GOLGA1: variants seen among roughly 807,000 people sequenced by gnomAD.
GOLGA1 encodes golgin A1.
GOLGA1 carries 63 observed loss-of-function variants against 119.7 expected under a neutral mutation model. The observed-to-expected ratio is 0.53, with a 90% CI of 0.43 to 0.65. The LOEUF (loss-of-function observed/expected upper bound fraction) is 0.65, where lower values mean the gene tolerates loss of function less well. Ranked by LOEUF, GOLGA1 falls within the 30% of genes least tolerant of loss-of-function variation. GOLGA1 has a pLI of 0.00. For missense variants in GOLGA1, 798 were observed against 912.8 expected (o/e 0.87, Z 1.62); for synonymous variants, 318 against 333.4 (o/e 0.95, Z 0.50).
At chr9:124,895,947 T>C (rs181462700) in intron 15 of GOLGA1, among the ~76,000 whole-genome samples, 3 of 142,802 alleles carry the variant, frequency 2.1e-5, no homozygotes, top group African/African-American at 7.8e-5. Flanking sequence ...AGAGACCCTC[T>C]ATAACAGAGA....
intron 10 of GOLGA1, among the ~76,000 whole-genome samples, chr9:124,913,354 G>A (rs1463772179): frequency 6.6e-6 from 1 of 152,132 alleles, no homozygotes; most frequent in Non-Finnish European, 1.5e-5. Context: ...TCCCCACTGA[G>A]GATGCCCATT....
At chr9:124,931,514 T>A in intron 3 of GOLGA1, 108 bp from the exon 4 acceptor site, 1 of 668,894 alleles carries the variant, frequency 1.5e-6, no homozygotes, top group East Asian at 2.6e-5. Flanking sequence ...TTTAATTAAT[T>A]GTAATCACTG....
Position 124,938,763 on chromosome 9 carries a change from G to C in GOLGA1, c.-52C>G, listed in dbSNP as rs774211318. The C allele has an allele frequency of 6.5e-7, 1 of 1,532,118 alleles. No homozygotes were observed. Among genetic ancestry groups the C allele is most frequent in the South Asian group, 1.2e-5 (1 of 83,018 alleles). 94.9% of individuals were successfully genotyped at this position (1,532,118 alleles called of 1,614,324 possible). ...ATGACGAGCTCTCAGTAGTCCTGGT[G>C]CCTGTGTTCAGGATTCAGACAGAGG... On this transcript the variant is annotated 5_prime_UTR_variant, in exon 3 of 23. Coordinates refer to ENST00000373555, the MANE Select transcript of GOLGA1 (RefSeq NM_002077.4).
Position 124,880,412 on chromosome 9 carries a change from G to A in GOLGA1, c.*118C>T, listed in dbSNP as rs932574148. On this transcript the variant is annotated 3_prime_UTR_variant, in exon 23 of 23. Coordinates refer to ENST00000373555, the MANE Select transcript of GOLGA1 (RefSeq NM_002077.4). ...GCCTTAGTCTTGTAAACAATGTTTA[G>A]ACACTTGTACAAAATACTGCAGTTA... is the stretch of plus-strand genomic sequence containing the variant. The A allele has an allele frequency of 4.4e-6, 3 of 677,044 alleles. No homozygotes were observed. The highest frequency in any genetic ancestry group is 5.6e-6 in the Non-Finnish European group (2 of 357,958). The allele number at this position is 677,044 out of a possible 1,614,324, so 41.9% of individuals were successfully genotyped here. A position where few individuals can be genotyped will look rare whatever the true frequency, so the allele number is the denominator to read the frequency against.
At chr9:124,894,259 T>C (rs905684602) in intron 15 of GOLGA1, among the ~76,000 whole-genome samples, 2 of 152,188 alleles carry the variant, frequency 1.3e-5, no homozygotes, top group Admixed American at 1.3e-4. Flanking sequence ...TCTGAGCCTG[T>C]GCTTGTGGGT....
Position 124,899,402 on chromosome 9 carries a change from TG to T in GOLGA1, c.1237del (p.Gln413ArgfsTer3). Reference sequence around the variant, plus strand: ...GGCCACTATCTGGGCTTCTAGCGCCTGGGTGCGCTCCAAGAACTGCTGCTCC... The same window carrying T: ...GGCCACTATCTGGGCTTCTAGCGCCTGGTGCGCTCCAAGAACTGCTGCTCC... ...ALEQQFLERT[Q>X]ALEAQIVALE... On this transcript the variant is annotated frameshift_variant, in exon 14 of 23. Coordinates refer to ENST00000373555, the MANE Select transcript of GOLGA1 (RefSeq NM_002077.4). LOFTEE classifies it high-confidence loss of function. 1 of 1,549,052 alleles carries T rather than the reference TG, an allele frequency of 6.5e-7. No homozygotes were observed.
chr9:124,881,745 G>C lies in GOLGA1; in HGVS notation c.2136+39C>G, dbSNP rs760313990. The C allele has an allele frequency of 8.3e-6, 12 of 1,440,072 alleles. No homozygotes were observed. Among genetic ancestry groups the C allele is most frequent in the East Asian group, 4.6e-5 (2 of 43,840 alleles). The allele number at this position is 1,440,072 out of a possible 1,614,324, so 89.2% of individuals were successfully genotyped here. A position where few individuals can be genotyped will look rare whatever the true frequency, so the allele number is the denominator to read the frequency against. Reference sequence around the variant, plus strand: ...TCCCTGCAGGACAGACTGTAGGGCGGGGCCTCAATACCCAAAAGACACCTC... The same window carrying C: ...TCCCTGCAGGACAGACTGTAGGGCGCGGCCTCAATACCCAAAAGACACCTC... On this transcript the variant is annotated intron_variant, in intron 21 of 22. Coordinates refer to ENST00000373555, the MANE Select transcript of GOLGA1 (RefSeq NM_002077.4). This position sits in a 1 kb window ranked among gnomAD's most constrained non-coding sequence, Gnocchi z 4.9.
chr9:124,893,024 G>C (rs1829893586), intron 15 of GOLGA1, among the ~76,000 whole-genome samples: 2 of 151,838 alleles, frequency 1.3e-5, no homozygotes, highest in African/African-American at 2.4e-5. Flanking sequence ...TTTTGGAAAT[G>C]GGTTCTTGCT....
In GOLGA1 at chr9:124,905,915, C is replaced by A. The variant is rs368556824; in HGVS notation, c.1065+2462G>T. Among the ~76,000 whole-genome samples, 68 of 150,756 alleles carry A rather than the reference C, an allele frequency of 4.5e-4. No individual in the cohort carries two copies. In the East Asian group the frequency reaches 0.012, roughly 27 times the overall value. On this transcript the variant is annotated intron_variant, in intron 12 of 22. Transcript: ENST00000373555. ...CGAGGCTGAGGTCAGGAGTTCGAGA[C>A]CAGCCTGGCCAACATGACAAAACCC...
chr9:124,937,975 C>T (rs549338914), intron 3 of GOLGA1, among the ~76,000 whole-genome samples: 1 of 147,922 alleles, frequency 6.8e-6, no homozygotes, highest in Non-Finnish European at 1.5e-5. Flanking sequence ...CCCAGCTACT[C>T]GGGAGGCTGA....
chr9:124,906,217 T>C (rs1830229300), intron 12 of GOLGA1, among the ~76,000 whole-genome samples: 1 of 151,546 alleles, frequency 6.6e-6, no homozygotes. Context: ...GCGGATCACC[T>C]AAGGTCAGGA....
intron 15 of GOLGA1, among the ~76,000 whole-genome samples, chr9:124,893,986 A>C (rs1829910383): frequency 6.6e-6 from 1 of 152,202 alleles, no homozygotes; most frequent in South Asian, 2.1e-4. Flanking sequence ...GTCTCATTTT[A>C]ACCTGCTCTC....
At position 124,879,569 on chromosome 9, in the gene GOLGA1, C is replaced by G. The variant is rs566266015; in HGVS notation, c.*961G>C. The G allele has an allele frequency of 6.6e-6, 1 of 151,552 alleles. No individual in the cohort carries two copies. Among genetic ancestry groups the G allele is most frequent in the South Asian group, 2.1e-4 (1 of 4,768 alleles). The allele number at this position is 151,552 out of a possible 1,614,324, so 9.4% of individuals were successfully genotyped here. ...TCAGTAGAAGACAGGTGGTCTGCAT[C>G]GCCCAGCGGCAGCGCAGCACAGAAT... On this transcript the variant is annotated 3_prime_UTR_variant, in exon 23 of 23. Coordinates refer to ENST00000373555, the MANE Select transcript of GOLGA1 (RefSeq NM_002077.4).
At chr9:124,929,427 A>C in intron 4 of GOLGA1, 137 bp from the exon 5 acceptor site, 3 of 668,646 alleles carry the variant, frequency 4.5e-6, no homozygotes, top group Non-Finnish European at 8.2e-6. Flanking sequence ...AGCTAGACAG[A>C]CAGCCTCCCA....
chr9:124,947,979 A>G (rs1831174840), exon 1 of GOLGA1: 1 of 152,238 alleles, frequency 6.6e-6, no homozygotes, highest in Non-Finnish European at 1.5e-5. Context: ...GTCTCCATAA[A>G]TAAAATTTTT....
Position 124,888,333 on chromosome 9 carries a change from C to G in GOLGA1, c.1825G>C (p.Gly609Arg), listed in dbSNP as rs1188743947. The change falls in exon 19 of 23, where the codon GGT (glycine) becomes CGT (arginine). Residue 609 changes from glycine to arginine, a missense_variant. Transcript: ENST00000373555. The surrounding 1 kb of genome is among the most constrained non-coding windows in gnomAD (Gnocchi z 4.4). Reference sequence around the variant, plus strand: ...GTGAGATCCATGGCCCCAACCTCACCATTTGGTGTTCTTCCTGCAGTTGGA... The same window carrying G: ...GTGAGATCCATGGCCCCAACCTCACGATTTGGTGTTCTTCCTGCAGTTGGA... ...QLPTAGRTPN[G>R]EVGAMDLTQL... 6.8e-6 allele frequency: 11 copies of G among 1,613,724 alleles called. No homozygotes were observed. In the South Asian group the frequency reaches 1.1e-4, roughly 16 times the overall value.
Position 124,878,916 on chromosome 9 carries a change from T to A in GOLGA1, c.*1614A>T, listed in dbSNP as rs1349140223. 3 of 152,186 alleles carry A rather than the reference T, an allele frequency of 2.0e-5. No individual in the cohort carries two copies. The highest frequency in any genetic ancestry group is 4.4e-5 in the Non-Finnish European group (3 of 68,028). The allele number at this position is 152,186 out of a possible 1,614,324, so 9.4% of individuals were successfully genotyped here. A position where few individuals can be genotyped will look rare whatever the true frequency, so the allele number is the denominator to read the frequency against. ...AACAGAAGAGACTCCTGTTTCGTGT[T>A]CCCACCAGGTAAATGGAAATTCGTG... On this transcript the variant is annotated 3_prime_UTR_variant, in exon 23 of 23. Coordinates refer to ENST00000373555, the MANE Select transcript of GOLGA1 (RefSeq NM_002077.4).
At chr9:124,945,774 ATGCT>A (rs1831136005), upstream of GOLGA1, 1 of 152,220 alleles carries the variant, frequency 6.6e-6, no homozygotes. Flanking sequence ...AACACAAGGC[ATGCT>A]TAAGTCTTTT....
intron 19 of GOLGA1, 73 bp from the exon 20 acceptor site, chr9:124,882,642 T>C: frequency 8.5e-7 from 1 of 1,177,776 alleles, no homozygotes; most frequent in Non-Finnish European, 1.2e-6. Context: ...GACCCGAAGA[T>C]CCCACGGGAT....
Sources: gnomAD v4.1 joint callset for allele counts (sites outside exome capture counted in the v4.1 genomes callset) on GRCh38, gnomAD v4.1.1 for gene constraint, Gnocchi (gnomAD v3.1) non-coding constraint, MANE v1.5 for transcripts, NCBI Gene and HGNC (gene_info 2026-07-23, HGNC 2026-07-21) for gene names.